The following MYRIP variants were observed in gnomAD, a reference collection of about 807,000 sequenced individuals.
MYRIP encodes myosin VIIA and Rab interacting protein.
A neutral mutation model predicts 98.0 loss-of-function variants in MYRIP; 49 were observed. The ratio of observed to expected loss-of-function variants is 0.50; its 90% CI spans 0.40 to 0.63. The LOEUF is 0.63. Among genes scored for constraint, MYRIP ranks in the 30% least tolerant of loss-of-function variants. The pLI is 0.00. For missense variants in MYRIP, 1,004 were observed against 1,058.2 expected (o/e 0.95, Z 0.71); for synonymous variants, 404 against 409.5 (o/e 0.99, Z 0.16).
chr3:39,943,426 G>A (rs1179951606), intron 2 of MYRIP, among the ~76,000 whole-genome samples: 1 of 152,154 alleles, frequency 6.6e-6, no homozygotes, highest in Non-Finnish European at 1.5e-5. Flanking sequence ...TAAAGTGGAA[G>A]TGAACATCCC....
rs564095097 is a variant in MYRIP at position 39,903,827 on chromosome 3, C to T, written c.110+2901C>T. Among the ~76,000 whole-genome samples the T allele has an allele frequency of 1.7e-4, 26 of 152,314 alleles. 1 individual carries two copies. In the Middle Eastern group the frequency reaches 0.017, roughly 100 times the overall value. ...TTTGTTTTCCAGATTCTCTCCATTA[C>T]GTAGACTGGGTTAAACCATTTCAAA... On this transcript the variant is annotated intron_variant, in intron 2 of 16. Transcript: ENST00000302541.
chr3:40,225,791 C>T (rs1033100875), intron 11 of MYRIP, among the ~76,000 whole-genome samples: 6 of 152,216 alleles, frequency 3.9e-5, no homozygotes, highest in African/African-American at 9.7e-5. Flanking sequence ...AAGAGTCTCT[C>T]GCGAACAACA....
At chr3:39,834,340 TAA>T (rs1208455261) in intron 1 of MYRIP, among the ~76,000 whole-genome samples, 4 of 152,232 alleles carry the variant, frequency 2.6e-5, no homozygotes, top group Non-Finnish European at 2.9e-5. Flanking sequence ...ACCAATCAAG[TAA>T]AGTGTCATTT....
intron 2 of MYRIP, among the ~76,000 whole-genome samples, chr3:39,968,500 T>C (rs1281064458): frequency 1.3e-5 from 2 of 152,184 alleles, no homozygotes; most frequent in South Asian, 2.1e-4. Context: ...TTGATTTTTG[T>C]ATATGGCATA....
intron 9 of MYRIP, among the ~76,000 whole-genome samples, chr3:40,187,254 G>A (rs924532879): frequency 1.5e-4 from 23 of 152,150 alleles, no homozygotes; most frequent in African/African-American, 4.8e-4. Context: ...ACAGCCAAAG[G>A]TGGGTCACAC....
chr3:39,878,850 A>G (rs1301588039), intron 1 of MYRIP, among the ~76,000 whole-genome samples: 2 of 151,224 alleles, frequency 1.3e-5, no homozygotes, highest in African/African-American at 4.9e-5. Context: ...AGGTGAAGAG[A>G]TAGAGACCAT....
chr3:40,140,993 C>G (rs988405616), intron 3 of MYRIP, among the ~76,000 whole-genome samples: 2 of 152,144 alleles, frequency 1.3e-5, no homozygotes, highest in Non-Finnish European at 2.9e-5. Context: ...CTATCAAATA[C>G]TGGGTCTTAT....
At chr3:39,875,037 C>T (rs970967824) in intron 1 of MYRIP, among the ~76,000 whole-genome samples, 13 of 152,138 alleles carry the variant, frequency 8.5e-5, no homozygotes, top group Non-Finnish European at 1.5e-4. Flanking sequence ...TTGGTCTATT[C>T]AGAGATTCAA....
rs1279562609 is a variant in MYRIP, at chr3:40,258,290, G to A, written c.*124G>A. On this transcript the variant is annotated 3_prime_UTR_variant, in exon 17 of 17. Transcript: ENST00000302541. ...GGAGAAGGCCTGGGGAGGCCACAGT[G>A]CACCATTGCACAGGGCTGTCCTGAT... 13 of 1,123,816 alleles carry A rather than the reference G, an allele frequency of 1.2e-5. No individual in the cohort carries two copies. The highest frequency in any genetic ancestry group is 1.6e-5 in the Non-Finnish European group (12 of 744,940). 69.6% of individuals were successfully genotyped at this position (1,123,816 alleles called of 1,614,324 possible). A position where few individuals can be genotyped will look rare whatever the true frequency, so the allele number is the denominator to read the frequency against.
intron 2 of MYRIP, among the ~76,000 whole-genome samples, chr3:39,903,333 A>G (rs1575362793): frequency 1.3e-5 from 2 of 152,352 alleles, no homozygotes; most frequent in East Asian, 3.9e-4. Context: ...TTTTCCTTTA[A>G]TGAATGTATA....
At chr3:39,918,940 ATCTT>A (rs1329498860) in intron 2 of MYRIP, among the ~76,000 whole-genome samples, 3 of 152,128 alleles carry the variant, frequency 2.0e-5, no homozygotes, top group Non-Finnish European at 4.4e-5. Context: ...CTCTCAGTTA[ATCTT>A]TCTTAGACTT....
intron 2 of MYRIP, among the ~76,000 whole-genome samples, chr3:39,958,392 G>T (rs188186745): frequency 2.6e-5 from 4 of 152,164 alleles, no homozygotes; most frequent in Non-Finnish European, 4.4e-5. Flanking sequence ...ACAACCAACT[G>T]ATCTTTGACA....
chr3:40,140,192 G>C (rs750139956), intron 3 of MYRIP, among the ~76,000 whole-genome samples: 16 of 152,258 alleles, frequency 1.1e-4, no homozygotes, highest in Admixed American at 4.6e-4. Flanking sequence ...TGGAATTACT[G>C]TACTGTATAG....
intron 10 of MYRIP, among the ~76,000 whole-genome samples, chr3:40,206,113 C>T (rs540057927): frequency 7.4e-4 from 112 of 152,172 alleles, no homozygotes; most frequent in Middle Eastern, 3.4e-3. Flanking sequence ...TCCACAGAGG[C>T]CCATCCATGG....
intron 3 of MYRIP, among the ~76,000 whole-genome samples, chr3:40,103,040 C>T (rs1010063032): frequency 2.6e-5 from 4 of 151,768 alleles, no homozygotes; most frequent in African/African-American, 9.7e-5. Flanking sequence ...CTTGAGGTGA[C>T]ATCCAGACAC....
intron 2 of MYRIP, among the ~76,000 whole-genome samples, chr3:40,004,860 G>A (rs1946598762): frequency 6.6e-6 from 1 of 152,014 alleles, no homozygotes; most frequent in Non-Finnish European, 1.5e-5. Context: ...TGATGCTGAG[G>A]TTTGGGTTTC....
At chr3:40,100,027 A>G (rs1289152857) in intron 3 of MYRIP, 5 of 985,262 alleles carry the variant, frequency 5.1e-6, no homozygotes, top group Non-Finnish European at 4.8e-6. Context: ...GAGCAGTAGC[A>G]CTGTGCTGTT....
intron 1 of MYRIP, among the ~76,000 whole-genome samples, chr3:39,874,466 T>C (rs1450082648): frequency 1.3e-5 from 2 of 152,134 alleles, no homozygotes; most frequent in Admixed American, 1.3e-4. Context: ...AGTATGATAT[T>C]GGCTGTGGGT....
Position 40,143,204 on chromosome 3 carries a change from G to T in MYRIP, c.333-7844G>T, listed in dbSNP as rs967069523. Reference sequence around the variant, plus strand: ...AGTGGGCCCTCAATACATAGTGAAAGAATGAAAGAATGAGTGAATGAACAA... The same window carrying T: ...AGTGGGCCCTCAATACATAGTGAAATAATGAAAGAATGAGTGAATGAACAA... On this transcript the variant is annotated intron_variant, in intron 3 of 16. Transcript: ENST00000302541. Among the ~76,000 whole-genome samples, 3 of 152,212 alleles carry T rather than the reference G, an allele frequency of 2.0e-5. No individual in the cohort carries two copies. The South Asian group carries it at 6.2e-4, about 32-fold the overall frequency.
Sources: allele counts gnomAD v4.1 joint callset (sites outside exome capture counted in the v4.1 genomes callset), GRCh38; gene constraint gnomAD v4.1.1; transcripts MANE v1.5; gene names NCBI Gene and HGNC (gene_info 2026-07-23, HGNC 2026-07-21).